The following SCLT1 variants were observed in gnomAD, a reference collection of about 807,000 sequenced individuals.
SCLT1 encodes the protein sodium channel and clathrin linker 1, also known as sodium channel-associated protein 1.
SCLT1 carries 78 observed loss-of-function variants against 112.8 expected under a neutral mutation model. That is an observed-to-expected ratio of 0.69 (90% CI 0.58 to 0.83). The LOEUF is 0.83. Ranked by LOEUF, SCLT1 falls within the 40% of genes least tolerant of loss-of-function variation. SCLT1 has a pLI of 0.00. For synonymous variants in SCLT1, 257 were observed against 254.7 expected, an observed-to-expected ratio of 1.01 and a Z score of -0.09; for missense variants, 747 against 770.4, an observed-to-expected ratio of 0.97 and a Z score of 0.36.
intron 19 of SCLT1, 139 bp from the exon 20 acceptor site, chr4:128,888,913 C>CG (rs1318989243): frequency 2.2e-6 from 1 of 453,750 alleles, no homozygotes; most frequent in African/African-American, 2.0e-5. Context: ...TTACATTTTT[C>CG]AAGTTATGAG....
At chr4:129,001,856 C>T (rs890741079) in intron 6 of SCLT1, among the ~76,000 whole-genome samples, 40 of 151,976 alleles carry the variant, frequency 2.6e-4, no homozygotes, top group Admixed American at 5.2e-4. Flanking sequence ...AATTTATTAA[C>T]GTACATATGT....
At chr4:129,064,299 G>A (rs2125738985) in intron 2 of SCLT1, among the ~76,000 whole-genome samples, 1 of 152,202 alleles carries the variant, frequency 6.6e-6, no homozygotes, top group Non-Finnish European at 1.5e-5. Context: ...CTGTAACAGA[G>A]CCAAAGTTTT....
chr4:128,894,159 C>G (rs1579299864), intron 18 of SCLT1, among the ~76,000 whole-genome samples: 1 of 152,102 alleles, frequency 6.6e-6, no homozygotes, highest in East Asian at 1.9e-4. Context: ...CCAGGTTGAT[C>G]TAGAACTCCT....
intron 2 of SCLT1, among the ~76,000 whole-genome samples, chr4:129,069,782 C>T (rs1214142921): frequency 3.9e-5 from 6 of 152,068 alleles, no homozygotes; most frequent in Admixed American, 6.6e-5. Context: ...CTAGGGCTTC[C>T]AGTATGATGT....
At chr4:128,979,732 A>C (rs1024647139) in intron 9 of SCLT1, among the ~76,000 whole-genome samples, 4 of 152,216 alleles carry the variant, frequency 2.6e-5, no homozygotes, top group African/African-American at 9.6e-5. Context: ...TCTGCAAAAG[A>C]AAGTTATAAA....
At chr4:128,938,049 T>C (rs1316873668) in intron 17 of SCLT1, among the ~76,000 whole-genome samples, 1 of 152,206 alleles carries the variant, frequency 6.6e-6, no homozygotes, top group Non-Finnish European at 1.5e-5. Flanking sequence ...GACTTCCTTA[T>C]TGTACTCTCA....
chr4:129,054,374 T>G (rs1749147612), intron 2 of SCLT1, among the ~76,000 whole-genome samples: 1 of 152,174 alleles, frequency 6.6e-6, no homozygotes, highest in South Asian at 2.1e-4. Context: ...TCTCCGTCAC[T>G]TTCAGGTACA....
chr4:128,934,923 A>T (rs1247155800), intron 18 of SCLT1, among the ~76,000 whole-genome samples: 1 of 151,974 alleles, frequency 6.6e-6, no homozygotes, highest in East Asian at 1.9e-4. Context: ...ATTTTTTGCC[A>T]TTAAGAACAA....
At chr4:129,048,209 C>A (rs576285308) in intron 2 of SCLT1, among the ~76,000 whole-genome samples, 4 of 151,990 alleles carry the variant, frequency 2.6e-5, no homozygotes, top group Non-Finnish European at 4.4e-5. Context: ...GGAGGCATCA[C>A]GCTACCTGAC....
At chr4:129,003,995 T>C in intron 5 of SCLT1, 119 bp from the exon 6 acceptor site, 1 of 854,574 alleles carries the variant, frequency 1.2e-6, no homozygotes, top group Non-Finnish European at 1.9e-6. Context: ...CATTTTTAAG[T>C]AGACTTCAAA....
chr4:129,014,965 G>C (rs1232535139), intron 5 of SCLT1, among the ~76,000 whole-genome samples: 1 of 152,038 alleles, frequency 6.6e-6, no homozygotes, highest in Non-Finnish European at 1.5e-5. Flanking sequence ...CTTCAGGGAG[G>C]GGCACTGGTA....
chr4:129,030,095 G>A (rs753351966), intron 5 of SCLT1, among the ~76,000 whole-genome samples: 2 of 151,932 alleles, frequency 1.3e-5, no homozygotes, highest in Non-Finnish European at 2.9e-5. Context: ...AAAGAATGGA[G>A]TTCATAACAA....
At chr4:128,901,472 G>A (rs535554238) in intron 18 of SCLT1, among the ~76,000 whole-genome samples, 1 of 149,392 alleles carries the variant, frequency 6.7e-6, no homozygotes, top group Non-Finnish European at 1.5e-5. Flanking sequence ...ATTGAACAAT[G>A]AGAACACAGG....
chr4:129,023,997 G>T (rs1182307802), intron 5 of SCLT1, among the ~76,000 whole-genome samples: 1 of 152,220 alleles, frequency 6.6e-6, no homozygotes, highest in Non-Finnish European at 1.5e-5. Context: ...AGGGGCGCCC[G>T]CCATTGCCCA....
chr4:129,088,713 T>C (rs1195698151), intron 1 of SCLT1, among the ~76,000 whole-genome samples: 1 of 152,196 alleles, frequency 6.6e-6, no homozygotes, highest in African/African-American at 2.4e-5. Context: ...TCTACAGCCA[T>C]CTGATCTTTG....
intron 6 of SCLT1, among the ~76,000 whole-genome samples, chr4:129,002,080 C>T (rs970143675): frequency 2.0e-5 from 3 of 151,868 alleles, no homozygotes; most frequent in East Asian, 1.9e-4. Flanking sequence ...TAAAATATCA[C>T]TTTCATAATT....
intron 20 of SCLT1, among the ~76,000 whole-genome samples, chr4:128,888,125 AAATTT>A (rs1378355990): frequency 2.0e-5 from 3 of 152,120 alleles, no homozygotes; most frequent in Non-Finnish European, 4.4e-5. Flanking sequence ...TTTCAATTTT[AAATTT>A]AATTTAATTT....
At chr4:128,922,604 T>C (rs972913460) in intron 18 of SCLT1, among the ~76,000 whole-genome samples, 3 of 152,022 alleles carry the variant, frequency 2.0e-5, no homozygotes, top group Non-Finnish European at 2.9e-5. Flanking sequence ...AAATATTGAG[T>C]ATACATGGAC....
intron 18 of SCLT1, among the ~76,000 whole-genome samples, chr4:128,926,713 CTT>C (rs1392966398): frequency 3.9e-5 from 6 of 151,952 alleles, no homozygotes; most frequent in Non-Finnish European, 7.4e-5. Flanking sequence ...ATATTTATTA[CTT>C]TGTTTTACAT....
Sources: allele counts gnomAD v4.1 joint callset (sites outside exome capture counted in the v4.1 genomes callset), GRCh38; gene constraint gnomAD v4.1.1; transcripts MANE v1.5; gene names NCBI Gene and HGNC (gene_info 2026-07-23, HGNC 2026-07-21).